PPP2R2B: variants seen among roughly 807,000 people sequenced by gnomAD.
PPP2R2B encodes the protein serine/threonine-protein phosphatase 2A 55 kDa regulatory subunit B beta isoform.
A neutral mutation model predicts 46.0 loss-of-function variants in PPP2R2B; 5 were observed. That is an observed-to-expected ratio of 0.11 (90% confidence interval 0.06 to 0.23). PPP2R2B has a LOEUF of 0.23. Ranked by LOEUF, PPP2R2B falls within the 10% of genes least tolerant of loss-of-function variation. The probability of loss-of-function intolerance (pLI) is 1.00; values close to 1 mark genes in which losing one functional copy is unlikely to be tolerated. For missense variants in PPP2R2B, 367 were observed against 575.0 expected (o/e 0.64, Z 3.70); for synonymous variants, 215 against 206.7 (o/e 1.04, Z -0.34).
intron 6 of PPP2R2B, among the ~76,000 whole-genome samples, chr5:146,647,947 A>G (rs1280547290): frequency 2.0e-5 from 3 of 152,186 alleles, no homozygotes; most frequent in African/African-American, 7.2e-5. Context: ...GTCAGTTCTC[A>G]TTGTCTCCAA....
chr5:146,993,938 C>T (rs1270521046), intron 1 of PPP2R2B, among the ~76,000 whole-genome samples: 1 of 152,152 alleles, frequency 6.6e-6, no homozygotes, highest in Non-Finnish European at 1.5e-5. Context: ...CATAAACAGG[C>T]CCCAGAGCTG....
At chr5:146,724,709 G>A (rs960058813) in intron 2 of PPP2R2B, among the ~76,000 whole-genome samples, 1 of 152,060 alleles carries the variant, frequency 6.6e-6, no homozygotes, top group Admixed American at 6.5e-5. Context: ...CAGGAGCTGG[G>A]CTGATCTTGA....
At chr5:146,682,203 T>G (rs1027449537) in intron 5 of PPP2R2B, among the ~76,000 whole-genome samples, 45 of 152,312 alleles carry the variant, frequency 3.0e-4, no homozygotes, top group African/African-American at 9.6e-4. Context: ...GTGAATACAC[T>G]CTGAATGCAA....
chr5:147,072,390 G>C (rs1298318983), intron 2 of PPP2R2B, among the ~76,000 whole-genome samples: 2 of 151,986 alleles, frequency 1.3e-5, no homozygotes, highest in African/African-American at 4.8e-5. Context: ...GATGTTTTTT[G>C]GTTAGTTGAC....
chr5:146,881,702 A>T (rs1762173865), upstream of PPP2R2B, among the ~76,000 whole-genome samples: 1 of 152,196 alleles, frequency 6.6e-6, no homozygotes, highest in Non-Finnish European at 1.5e-5. Context: ...GTGAGCCACC[A>T]TGCCTGGCCT....
rs142787326 is a variant in PPP2R2B at position 146,682,074 on chromosome 5, G to A, written c.447+9054C>T. The stretch of plus-strand genomic sequence containing the variant: ...TGGGAGCAAAAGACAAAGAGAACTC[G>A]ATCCTAAACCAGGTATAGGGTTCTG... On this transcript the variant is annotated intron_variant, in intron 5 of 9. Transcript: ENST00000394411. Among the ~76,000 whole-genome samples, 326 of 152,248 alleles carry A rather than the reference G, an allele frequency of 2.1e-3. 3 individuals carry two copies. Among genetic ancestry groups the A allele is most frequent in the Admixed American group, 0.015 (223 of 15,288 alleles).
intron 2 of PPP2R2B, among the ~76,000 whole-genome samples, chr5:146,820,947 A>T (rs1023880802): frequency 1.5e-4 from 23 of 152,228 alleles, no homozygotes; most frequent in African/African-American, 5.3e-4. Flanking sequence ...TGCCCTCTGC[A>T]CTGCGCTAGT....
At chr5:146,790,325 A>G (rs1345559987) in intron 2 of PPP2R2B, among the ~76,000 whole-genome samples, 1 of 151,870 alleles carries the variant, frequency 6.6e-6, no homozygotes, top group Non-Finnish European at 1.5e-5. Context: ...CATAACAACC[A>G]CCCCAAAATT....
At chr5:146,699,849 T>C (rs1341691956) in intron 3 of PPP2R2B, among the ~76,000 whole-genome samples, 1 of 151,998 alleles carries the variant, frequency 6.6e-6, no homozygotes, top group African/African-American at 2.4e-5. Flanking sequence ...GTCAAGTGTG[T>C]GTAGTATGTG....
At chr5:146,928,936 G>C (rs1200845003) in intron 1 of PPP2R2B, among the ~76,000 whole-genome samples, 1 of 152,112 alleles carries the variant, frequency 6.6e-6, no homozygotes, top group Non-Finnish European at 1.5e-5. Context: ...CATCCTTAAT[G>C]CTTCCGGAAA....
intron 1 of PPP2R2B, among the ~76,000 whole-genome samples, chr5:146,923,885 C>T (rs1275720046): frequency 6.6e-6 from 1 of 152,184 alleles, no homozygotes; most frequent in Non-Finnish European, 1.5e-5. Context: ...GACTACTATG[C>T]AGCCACAGGA....
intron 1 of PPP2R2B, among the ~76,000 whole-genome samples, chr5:147,040,515 C>T (rs891542830): frequency 4.6e-5 from 7 of 152,058 alleles, no homozygotes; most frequent in Non-Finnish European, 1.0e-4. Context: ...TAGGGTCATG[C>T]TTGAGATTGG....
chr5:147,020,262 G>T (rs572488875), intron 1 of PPP2R2B, among the ~76,000 whole-genome samples: 7 of 152,020 alleles, frequency 4.6e-5, no homozygotes, highest in African/African-American at 1.7e-4. Flanking sequence ...TACCCTCAGA[G>T]TTCCTTGTAC....
chr5:146,759,218 T>G (rs1456525333), intron 2 of PPP2R2B, among the ~76,000 whole-genome samples: 2 of 152,178 alleles, frequency 1.3e-5, no homozygotes, highest in African/African-American at 4.8e-5. Flanking sequence ...TACATAAGGC[T>G]TAAGAACCAC....
chr5:146,999,013 C>CAAAAAAAAAAAAAAAAAA (rs60753702), intron 1 of PPP2R2B, among the ~76,000 whole-genome samples: 1 of 65,298 alleles, frequency 1.5e-5, no homozygotes. Context: ...GACTCCATAT[C>CAAAAAAAAAAAAAAAAAA]AAAAAAAAAA....
chr5:146,640,143 C>A (rs1479725747), intron 6 of PPP2R2B, among the ~76,000 whole-genome samples: 2 of 152,210 alleles, frequency 1.3e-5, no homozygotes, highest in African/African-American at 4.8e-5. Context: ...TTCCAACATG[C>A]AATTTGTTGC....
intron 2 of PPP2R2B, among the ~76,000 whole-genome samples, chr5:146,752,494 G>A (rs1165130070): frequency 2.0e-5 from 3 of 151,996 alleles, no homozygotes; most frequent in African/African-American, 4.8e-5. Flanking sequence ...TTTATCATCC[G>A]GATTCCCCAC....
At chr5:146,976,316 T>G (rs1169835253) in intron 1 of PPP2R2B, among the ~76,000 whole-genome samples, 1 of 151,808 alleles carries the variant, frequency 6.6e-6, no homozygotes, top group Non-Finnish European at 1.5e-5. Flanking sequence ...TTTTGTATTT[T>G]TAGTAGAGAT....
At chr5:146,944,424 C>T (rs971869636) in intron 1 of PPP2R2B, among the ~76,000 whole-genome samples, 5 of 152,110 alleles carry the variant, frequency 3.3e-5, no homozygotes, top group African/African-American at 7.2e-5. Flanking sequence ...CCCAAGGAAA[C>T]GCCAAACGAT....
Sources: allele counts gnomAD v4.1 joint callset (sites outside exome capture counted in the v4.1 genomes callset), GRCh38; gene constraint gnomAD v4.1.1; transcripts MANE v1.5; gene names NCBI Gene and HGNC (gene_info 2026-07-23, HGNC 2026-07-21).